Variants in DLGAP1 observed in about 807,000 individuals in gnomAD.
DLGAP1 encodes DLG associated protein 1.
A neutral mutation model predicts 90.8 loss-of-function variants in DLGAP1; 11 were observed. That is an observed-to-expected ratio of 0.12 (90% CI 0.08 to 0.20). DLGAP1 has a LOEUF of 0.20. DLGAP1 is among the 10% of genes least tolerant of loss of function. The pLI, the probability that DLGAP1 is intolerant of heterozygous loss-of-function variation, is 1.00. For synonymous variants in DLGAP1, 558 were observed against 540.7 expected, an observed-to-expected ratio of 1.03 and a Z score of -0.44; for missense variants, 1,050 against 1,333.8, an observed-to-expected ratio of 0.79 and a Z score of 3.31.
intron 1 of DLGAP1, among the ~76,000 whole-genome samples, chr18:4,186,785 A>G (rs1037980089): frequency 4.6e-5 from 7 of 151,976 alleles, no homozygotes; most frequent in African/African-American, 1.7e-4. Context: ...ATGGATTTTA[A>G]AATAGTTTCT....
intron 1 of DLGAP1, among the ~76,000 whole-genome samples, chr18:4,203,345 C>G (rs540874593): frequency 6.6e-6 from 1 of 151,398 alleles, no homozygotes; most frequent in Middle Eastern, 3.5e-3. Context: ...TCTCTAGTTG[C>G]AAGAATGCAT....
At chr18:4,350,749 C>T (rs1567853382) in intron 1 of DLGAP1, among the ~76,000 whole-genome samples, 1 of 152,118 alleles carries the variant, frequency 6.6e-6, no homozygotes. Flanking sequence ...GACTTTTATT[C>T]TATTCTATTC....
intron 1 of DLGAP1, among the ~76,000 whole-genome samples, chr18:4,300,347 C>T (rs2080093091): frequency 6.6e-6 from 1 of 152,052 alleles, no homozygotes; most frequent in Admixed American, 6.6e-5. Flanking sequence ...ATCTGTAGAT[C>T]GTAAAATGTT....
At chr18:4,432,208 A>C (rs1290652937) in intron 1 of DLGAP1, among the ~76,000 whole-genome samples, 2 of 152,216 alleles carry the variant, frequency 1.3e-5, no homozygotes, top group Admixed American at 1.3e-4. Flanking sequence ...TTTGTTGGGC[A>C]TGGTAGTAAT....
At chr18:4,231,753 C>G (rs1337902965) in intron 1 of DLGAP1, among the ~76,000 whole-genome samples, 1 of 152,026 alleles carries the variant, frequency 6.6e-6, no homozygotes, top group Non-Finnish European at 1.5e-5. Flanking sequence ...ATCCTCTTTC[C>G]TTCCAGGACA....
chr18:3,551,730 T>A (rs35122028), intron 9 of DLGAP1, among the ~76,000 whole-genome samples: 3 of 19,060 alleles, frequency 1.6e-4, no homozygotes, highest in African/African-American at 1.0e-3. Flanking sequence ...CTCCCTTCCT[T>A]CCTTCCTTCC....
At chr18:4,121,480 T>C (rs1278959478) in intron 2 of DLGAP1, among the ~76,000 whole-genome samples, 1 of 152,110 alleles carries the variant, frequency 6.6e-6, no homozygotes, top group African/African-American at 2.4e-5. Flanking sequence ...GTCCTCAACA[T>C]CTGATCACTC....
chr18:4,328,701 T>C (rs1045091049), intron 1 of DLGAP1, among the ~76,000 whole-genome samples: 4 of 151,966 alleles, frequency 2.6e-5, no homozygotes, highest in African/African-American at 9.7e-5. Flanking sequence ...CTCACTATCA[T>C]TTATTATTGC....
At chr18:4,265,876 T>C (rs892504065) in intron 1 of DLGAP1, among the ~76,000 whole-genome samples, 1 of 150,956 alleles carries the variant, frequency 6.6e-6, no homozygotes, top group African/African-American at 2.5e-5. Flanking sequence ...TTTGGAGAGA[T>C]AGGGTTTCCC....
chr18:3,685,733 C>T (rs114146946), intron 7 of DLGAP1, among the ~76,000 whole-genome samples: 1 of 152,156 alleles, frequency 6.6e-6, no homozygotes. Flanking sequence ...CCATGAGCCA[C>T]TGTGCCCAGC....
At chr18:3,870,799 A>G (rs2070706711) in intron 4 of DLGAP1, among the ~76,000 whole-genome samples, 1 of 152,184 alleles carries the variant, frequency 6.6e-6, no homozygotes, top group African/African-American at 2.4e-5. Flanking sequence ...CTCTGAGCAA[A>G]TTCCCTAAAG....
chr18:3,853,353 G>A (rs1568240375), intron 4 of DLGAP1, among the ~76,000 whole-genome samples: 1 of 152,016 alleles, frequency 6.6e-6, no homozygotes, highest in African/African-American at 2.4e-5. Context: ...TGGGCCAAAC[G>A]ACATTTTGGT....
At chr18:3,713,234 G>A (rs1350028861) in intron 7 of DLGAP1, among the ~76,000 whole-genome samples, 1 of 152,210 alleles carries the variant, frequency 6.6e-6, no homozygotes, top group Non-Finnish European at 1.5e-5. Context: ...AGTTTGCACA[G>A]CTGCAACTGA....
chr18:3,933,851 G>T (rs1370948024), intron 3 of DLGAP1, among the ~76,000 whole-genome samples: 1 of 152,158 alleles, frequency 6.6e-6, no homozygotes, highest in Non-Finnish European at 1.5e-5. Flanking sequence ...AAAAAAGTTG[G>T]TAGATTAGTC....
Position 3,797,662 on chromosome 18 carries a change from G to A in DLGAP1, c.1172+16397C>T, listed in dbSNP as rs77837532. ...CTGAACAGTTTTAAAGCGGGAGGGAGGGGTCAGGTGGGTCACTACACATAG... is the reference window on the plus strand; with the variant it reads ...CTGAACAGTTTTAAAGCGGGAGGGAAGGGTCAGGTGGGTCACTACACATAG... On this transcript the variant is annotated intron_variant, in intron 5 of 12. Transcript: ENST00000315677. Among the ~76,000 whole-genome samples, 713 of 152,316 alleles carry A rather than the reference G, an allele frequency of 4.7e-3. 11 individuals carry two copies. The highest frequency in any genetic ancestry group is 0.017 in the African/African-American group (689 of 41,554).
intron 7 of DLGAP1, among the ~76,000 whole-genome samples, chr18:3,582,743 A>G (rs888829403): frequency 3.3e-5 from 5 of 152,138 alleles, no homozygotes; most frequent in African/African-American, 7.2e-5. Context: ...TCTGATCCTA[A>G]TAACAAGGAC....
At chr18:4,399,999 T>C (rs935998297) in intron 1 of DLGAP1, among the ~76,000 whole-genome samples, 1 of 151,938 alleles carries the variant, frequency 6.6e-6, no homozygotes, top group Non-Finnish European at 1.5e-5. Flanking sequence ...TAAAAAAAAG[T>C]ACAGGGATGT....
chr18:4,179,545 T>TATC (rs2077172239), intron 1 of DLGAP1, among the ~76,000 whole-genome samples: 3 of 152,218 alleles, frequency 2.0e-5, no homozygotes, highest in Admixed American at 2.0e-4. Flanking sequence ...TAAGACATAC[T>TATC]ATCATCATTC....
At chr18:4,343,980 G>A (rs990061945) in intron 1 of DLGAP1, among the ~76,000 whole-genome samples, 2 of 152,108 alleles carry the variant, frequency 1.3e-5, no homozygotes, top group African/African-American at 2.4e-5. Context: ...TGTATTACAA[G>A]GGTACAAAAT....
Sources: allele counts gnomAD v4.1 joint callset (sites outside exome capture counted in the v4.1 genomes callset), GRCh38; gene constraint gnomAD v4.1.1; transcripts MANE v1.5; gene names NCBI Gene and HGNC (gene_info 2026-07-23, HGNC 2026-07-21).